Variants in CPED1 observed in about 807,000 individuals in gnomAD.
CPED1 encodes cadherin-like and PC-esterase domain-containing protein 1.
A neutral mutation model predicts 128.2 loss-of-function variants in CPED1; 114 were observed. The observed-to-expected ratio is 0.89, with a 90% confidence interval of 0.76 to 1.04. CPED1 has a LOEUF of 1.04. Among genes scored for constraint, CPED1 ranks in the 50% least tolerant of loss-of-function variants. The pLI, the probability that CPED1 is intolerant of heterozygous loss-of-function variation, is 0.00. For missense variants in CPED1, 1,211 were observed against 1,207.1 expected (o/e 1.00, Z -0.05); for synonymous variants, 462 against 426.7 (o/e 1.08, Z -1.02).
At chr7:121,191,514 C>G (rs1470839274) in intron 16 of CPED1, among the ~76,000 whole-genome samples, 1 of 152,118 alleles carries the variant, frequency 6.6e-6, no homozygotes, top group East Asian at 1.9e-4. Flanking sequence ...CAATTATGTA[C>G]AATCTGCGTT....
chr7:121,193,720 T>C (rs976970125), intron 16 of CPED1, among the ~76,000 whole-genome samples: 3 of 152,078 alleles, frequency 2.0e-5, no homozygotes, highest in Admixed American at 2.0e-4. Context: ...TTGTTAACTC[T>C]ACAGAGGAGG....
chr7:121,166,789 G>T (rs1390253716), intron 16 of CPED1, among the ~76,000 whole-genome samples: 2 of 152,062 alleles, frequency 1.3e-5, no homozygotes, highest in Admixed American at 1.3e-4. Flanking sequence ...GTTGCTACAA[G>T]AAATAAATGT....
chr7:121,075,539 T>C (rs1794102653), intron 5 of CPED1, among the ~76,000 whole-genome samples: 2 of 152,068 alleles, frequency 1.3e-5, no homozygotes, highest in Non-Finnish European at 2.9e-5. Context: ...GCGATCTTGC[T>C]GCAACTTTCT....
intron 16 of CPED1, among the ~76,000 whole-genome samples, chr7:121,166,387 T>C (rs1796525436): frequency 6.6e-6 from 1 of 152,194 alleles, no homozygotes; most frequent in Admixed American, 6.6e-5. Context: ...CAAAAGACTT[T>C]CGCAAGTTAT....
chr7:121,103,841 G>C (rs1028492549), intron 7 of CPED1, among the ~76,000 whole-genome samples: 11 of 151,944 alleles, frequency 7.2e-5, no homozygotes, highest in African/African-American at 2.7e-4. Context: ...AAGGTATGAA[G>C]GCAATAACAG....
intron 3 of CPED1, among the ~76,000 whole-genome samples, chr7:121,044,022 G>A (rs1220680988): frequency 6.6e-6 from 1 of 152,026 alleles, no homozygotes; most frequent in Non-Finnish European, 1.5e-5. Context: ...TTGTGCTGAG[G>A]TACAAATTTG....
At chr7:121,033,994 T>A (rs2896299) in intron 3 of CPED1, among the ~76,000 whole-genome samples, 121,712 of 152,064 alleles carry the variant, frequency 0.8, 48,987 homozygotes, top group East Asian at 0.94. Flanking sequence ...GCATTTCACA[T>A]AAGTCATGAA....
At chr7:121,030,154 G>GAC (rs1396259016) in intron 3 of CPED1, among the ~76,000 whole-genome samples, 1 of 151,772 alleles carries the variant, frequency 6.6e-6, no homozygotes, top group African/African-American at 2.4e-5. Flanking sequence ...TGCACACACA[G>GAC]ACACACACAC....
chr7:121,142,035 CT>C lies in CPED1; in HGVS notation c.1950del (p.Pro651GlnfsTer7), dbSNP rs1046107448. The C allele has an allele frequency of 1.9e-6, 3 of 1,612,624 alleles. No homozygotes were observed. The highest frequency in any genetic ancestry group is 2.5e-6 in the Non-Finnish European group (3 of 1,179,070). Reference sequence around the variant, plus strand: ...ATCTCAATATTTGTTGTGGATGAATCTCCAGCACACGGTGAGACTCTGATCA... The same window carrying C: ...ATCTCAATATTTGTTGTGGATGAATCCCAGCACACGGTGAGACTCTGATCA... ...NKISIFVVDE[S>X]PAHGETLITY... On this transcript the variant is annotated frameshift_variant, in exon 16 of 23. Transcript: ENST00000310396. LOFTEE classifies it high-confidence loss of function.
chr7:121,032,407 C>T (rs1032638163), intron 3 of CPED1, among the ~76,000 whole-genome samples: 4 of 151,980 alleles, frequency 2.6e-5, no homozygotes, highest in Admixed American at 1.3e-4. Flanking sequence ...ATAAAGTGTG[C>T]TTCTCCATCA....
chr7:121,213,509 G>A (rs931074718), intron 16 of CPED1, among the ~76,000 whole-genome samples: 14 of 151,918 alleles, frequency 9.2e-5, no homozygotes, highest in African/African-American at 3.1e-4. Context: ...CTCTTCTTTA[G>A]CTTATTGACT....
chr7:121,282,171 C>T (rs1474322447), intron 22 of CPED1, among the ~76,000 whole-genome samples: 1 of 152,140 alleles, frequency 6.6e-6, no homozygotes, highest in African/African-American at 2.4e-5. Flanking sequence ...TGTATCAAGC[C>T]ATTAGAATTT....
In CPED1 at chr7:121,202,031, T is replaced by C. The variant is rs934871632; in HGVS notation, c.2056-34683T>C. Among the ~76,000 whole-genome samples the C allele has an allele frequency of 2.6e-5, 4 of 152,138 alleles. 1 individual carries two copies. In the South Asian group the frequency reaches 8.3e-4, roughly 32 times the overall value. ...AGTGAGAGACCATTCCCAGAACTTC[T>C]GGATACATTTCAGAGAATAATTTTT... On this transcript the variant is annotated intron_variant, in intron 16 of 22. Coordinates refer to ENST00000310396, the MANE Select transcript of CPED1 (RefSeq NM_024913.5).
intron 16 of CPED1, among the ~76,000 whole-genome samples, chr7:121,188,277 T>C (rs1797050852): frequency 6.6e-6 from 1 of 152,142 alleles, no homozygotes; most frequent in Non-Finnish European, 1.5e-5. Flanking sequence ...TTTATTATTT[T>C]TTTATTCTAT....
At chr7:121,212,293 C>T (rs1002533950) in intron 16 of CPED1, among the ~76,000 whole-genome samples, 1 of 152,026 alleles carries the variant, frequency 6.6e-6, no homozygotes, top group Non-Finnish European at 1.5e-5. Context: ...TGCAAGCTAA[C>T]ATTCACAGCT....
chr7:121,111,512 C>A, intron 7 of CPED1, among the ~76,000 whole-genome samples: 1 of 152,052 alleles, frequency 6.6e-6, no homozygotes, highest in Middle Eastern at 3.2e-3. Flanking sequence ...CAAGTCTAAT[C>A]TTTTGAAGGA....
At chr7:121,122,518 T>C (rs1795415603) in intron 7 of CPED1, among the ~76,000 whole-genome samples, 1 of 152,224 alleles carries the variant, frequency 6.6e-6, no homozygotes, top group South Asian at 2.1e-4. Flanking sequence ...GAATTCCTTA[T>C]GTACATTCTG....
chr7:121,191,399 C>A (rs1351314199), intron 16 of CPED1, among the ~76,000 whole-genome samples: 1 of 152,002 alleles, frequency 6.6e-6, no homozygotes, highest in Non-Finnish European at 1.5e-5. Context: ...TTCGAAGGAC[C>A]AGTACAAGAC....
intron 16 of CPED1, among the ~76,000 whole-genome samples, chr7:121,175,898 A>G (rs981572867): frequency 1.3e-5 from 2 of 152,018 alleles, no homozygotes; most frequent in Non-Finnish European, 2.9e-5. Flanking sequence ...TAACAAATAG[A>G]TTTGTCAGGC....
Sources: allele counts gnomAD v4.1 joint callset (sites outside exome capture counted in the v4.1 genomes callset), GRCh38; gene constraint gnomAD v4.1.1; transcripts MANE v1.5; gene names NCBI Gene and HGNC (gene_info 2026-07-23, HGNC 2026-07-21).